Variants in HDAC3 observed in about 807,000 individuals in gnomAD.
HDAC3 encodes the protein histone deacetylase 3.
HDAC3 carries 21 observed loss-of-function variants against 62.3 expected under a neutral mutation model. That is an observed-to-expected ratio of 0.34 (90% confidence interval 0.24 to 0.49). HDAC3 has a LOEUF of 0.49. Ranked by LOEUF, HDAC3 falls within the 20% of genes least tolerant of loss-of-function variation. The pLI is 0.99. For missense variants in HDAC3, 270 were observed against 556.9 expected, an observed-to-expected ratio of 0.48 and a Z score of 5.19; for synonymous variants, 198 against 206.5, an observed-to-expected ratio of 0.96 and a Z score of 0.35.
rs1479248420 is a variant in HDAC3 at position 141,629,848 on chromosome 5, C to T, written c.420+12G>A. 1 of 1,614,136 alleles carries T rather than the reference C, an allele frequency of 6.2e-7. No homozygotes were observed. The highest frequency in any genetic ancestry group is 1.1e-5 in the South Asian group (1 of 91,074). ...GGATGGCCACTGTCTTTCCCATCAC[C>T]TCCTCACTCACCTCAAACTTCTTGG... On this transcript the variant is annotated intron_variant, in intron 5 of 14. Coordinates refer to ENST00000305264, the MANE Select transcript of HDAC3 (RefSeq NM_003883.4). This position sits in a 1 kb window ranked among gnomAD's most constrained non-coding sequence, Gnocchi z 5.3.
intron 10 of HDAC3, among the ~76,000 whole-genome samples, chr5:141,627,624 A>C (rs2099904627): frequency 6.6e-6 from 1 of 152,058 alleles, no homozygotes; most frequent in African/African-American, 2.4e-5. Flanking sequence ...TCTGTTTCCT[A>C]AACTGTAAAC....
rs776477788 is a variant in HDAC3, at chr5:141,629,558, AAT to A, written c.476+124_476+125del. The A allele has an allele frequency of 7.7e-6, 8 of 1,036,284 alleles. 1 individual carries two copies. The East Asian group carries it at 1.7e-4, about 22-fold the overall frequency. The allele number at this position is 1,036,284 out of a possible 1,614,324, so 64.2% of individuals were successfully genotyped here. ...CTGCAGCAGTGGAAGAGGCAGCCTGAATAAAGCATCAAGAACTTGGGAGAAGC... is the reference window on the plus strand; with the variant it reads ...CTGCAGCAGTGGAAGAGGCAGCCTGAAAAGCATCAAGAACTTGGGAGAAGC... On this transcript the variant is annotated intron_variant, in intron 6 of 14. Coordinates refer to ENST00000305264, the MANE Select transcript of HDAC3 (RefSeq NM_003883.4). The surrounding 1 kb of genome is among the most constrained non-coding windows in gnomAD (Gnocchi z 5.3).
At chr5:141,635,661 G>C (rs1325965998) in intron 2 of HDAC3, among the ~76,000 whole-genome samples, 1 of 152,268 alleles carries the variant, frequency 6.6e-6, no homozygotes, top group South Asian at 2.1e-4. Flanking sequence ...TGTCAACTCA[G>C]GCTGCTGATC....
At chr5:141,631,846 G>C (rs2099905261) in intron 3 of HDAC3, among the ~76,000 whole-genome samples, 1 of 152,130 alleles carries the variant, frequency 6.6e-6, no homozygotes, top group African/African-American at 2.4e-5. Flanking sequence ...AAAGCACTTA[G>C]AACAGTACCT....
chr5:141,625,109 G>T lies in HDAC3; in HGVS notation c.1217+99C>A. The T allele has an allele frequency of 9.1e-7, 1 of 1,098,944 alleles. No homozygotes were observed. Among genetic ancestry groups the T allele is most frequent in the Non-Finnish European group, 1.3e-6 (1 of 769,638 alleles). 68.1% of individuals were successfully genotyped at this position (1,098,944 alleles called of 1,614,324 possible). On this transcript the variant is annotated intron_variant, in intron 14 of 14. Transcript: ENST00000305264. The surrounding 1 kb of genome is among the most constrained non-coding windows in gnomAD (Gnocchi z 4.0). ...AATTGTAGCAGACTAAAGGAGGTAAGCCAGAGGCAATTAAACTAATACCTT... is the reference window on the plus strand; with the variant it reads ...AATTGTAGCAGACTAAAGGAGGTAATCCAGAGGCAATTAAACTAATACCTT...
chr5:141,633,074 C>G (rs930378352), intron 3 of HDAC3, among the ~76,000 whole-genome samples: 12 of 152,184 alleles, frequency 7.9e-5, no homozygotes, highest in African/African-American at 9.7e-5. Context: ...TATAATACAT[C>G]TAAGGATTGG....
At chr5:141,624,372 CAAAAAAAAAAAAAAAAAA>C (rs58610895) in intron 14 of HDAC3, among the ~76,000 whole-genome samples, 502 of 22,200 alleles carry the variant, frequency 0.023, 27 homozygotes, top group African/African-American at 0.076. Flanking sequence ...CCGTCTCTAC[CAAAAAAAAAAAAAAAAAA>C]AAAAAAAAAA....
In HDAC3 at chr5:141,629,992, C is replaced by A. The variant is rs2099904958; in HGVS notation, c.363+52G>T. 2 of 1,613,254 alleles carry A rather than the reference C, an allele frequency of 1.2e-6. No individual in the cohort carries two copies. Among genetic ancestry groups the A allele is most frequent in the East Asian group, 2.2e-5 (1 of 44,880 alleles). On this transcript the variant is annotated intron_variant, in intron 4 of 14. Transcript: ENST00000305264. This position sits in a 1 kb window ranked among gnomAD's most constrained non-coding sequence, Gnocchi z 5.3. ...GGGAGCCCAGGATCAGGGTTAAATC[C>A]CGAGTCCAGGGATCCAGAGGAAAGG...
intron 3 of HDAC3, among the ~76,000 whole-genome samples, chr5:141,631,366 G>GA (rs1330395210): frequency 6.6e-6 from 1 of 152,018 alleles, no homozygotes; most frequent in African/African-American, 2.4e-5. Flanking sequence ...CTAAGCAAAT[G>GA]AAAAAATAAT....
intron 3 of HDAC3, among the ~76,000 whole-genome samples, chr5:141,633,568 G>A (rs929830424): frequency 2.0e-5 from 3 of 152,084 alleles, no homozygotes; most frequent in African/African-American, 7.2e-5. Flanking sequence ...GCTCACGTCT[G>A]TAATCCCAGC....
chr5:141,632,020 A>ATTTTTTT (rs376573720), intron 3 of HDAC3, among the ~76,000 whole-genome samples: 2 of 136,972 alleles, frequency 1.5e-5, no homozygotes, highest in Non-Finnish European at 1.6e-5. Flanking sequence ...GAGGTCTGGA[A>ATTTTTTT]TTTTTTTTTT....
At position 141,625,828 on chromosome 5, in the gene HDAC3, C is replaced by A; in HGVS notation, c.980-64G>T. 2 of 1,497,246 alleles carry A rather than the reference C, an allele frequency of 1.3e-6. No individual in the cohort carries two copies. Among genetic ancestry groups the A allele is most frequent in the Admixed American group, 3.4e-5 (2 of 59,612 alleles). The allele number at this position is 1,497,246 out of a possible 1,614,324, so 92.7% of individuals were successfully genotyped here. A position where few individuals can be genotyped will look rare whatever the true frequency, so the allele number is the denominator to read the frequency against. ...AAGGCAGCTAACAAGACTTCCCAAT[C>A]TTTTTCCTTCCCATCCAGAGCACCT... On this transcript the variant is annotated intron_variant, in intron 12 of 14. Transcript: ENST00000305264. The surrounding 1 kb of genome is among the most constrained non-coding windows in gnomAD (Gnocchi z 4.0).
chr5:141,626,548 A>C lies in HDAC3; in HGVS notation c.831-265T>G. Reference sequence around the variant, plus strand: ...CCCTGCCTGCTAATCAACTATTCTCATCAACCCAAGTTCTGTCAATTCTAG... The same window carrying C: ...CCCTGCCTGCTAATCAACTATTCTCCTCAACCCAAGTTCTGTCAATTCTAG... On this transcript the variant is annotated intron_variant, in intron 10 of 14. Transcript: ENST00000305264. This position sits in a 1 kb window ranked among gnomAD's most constrained non-coding sequence, Gnocchi z 4.6. 3.4e-5 allele frequency: 15 copies of C among 443,406 alleles called. No homozygotes were observed. The highest frequency in any genetic ancestry group is 5.0e-5 in the Non-Finnish European group (12 of 240,810). The allele number at this position is 443,406 out of a possible 1,614,324, so 27.5% of individuals were successfully genotyped here.
intron 3 of HDAC3, 87 bp downstream of exon 3, chr5:141,634,724 T>C: frequency 7.6e-7 from 1 of 1,314,204 alleles, no homozygotes. Flanking sequence ...TAGGCCCCCC[T>C]TGAGATCTTC....
chr5:141,634,067 G>A (rs1459862898), intron 3 of HDAC3, among the ~76,000 whole-genome samples: 3 of 152,002 alleles, frequency 2.0e-5, no homozygotes, highest in Non-Finnish European at 1.5e-5. Context: ...TTCCCCAGAG[G>A]GTCTAACCCT....
chr5:141,630,009 G>T (rs1321304127), intron 4 of HDAC3, 35 bp downstream of exon 4: 1 of 1,613,142 alleles, frequency 6.2e-7, no homozygotes, highest in Non-Finnish European at 8.5e-7. Flanking sequence ...CAGGGATCCA[G>T]AGGAAAGGAA....
At chr5:141,630,375 G>C (rs2099905016) in intron 3 of HDAC3, among the ~76,000 whole-genome samples, 1 of 152,254 alleles carries the variant, frequency 6.6e-6, no homozygotes, top group African/African-American at 2.4e-5. Context: ...CCTAGCTGCG[G>C]AAAGAAGCAA....
intron 3 of HDAC3, among the ~76,000 whole-genome samples, chr5:141,631,801 T>C (rs759364397): frequency 2.0e-5 from 3 of 152,164 alleles, no homozygotes; most frequent in Non-Finnish European, 4.4e-5. Flanking sequence ...CCCTGCTTCA[T>C]AGGGGTTGTT....
In HDAC3 at chr5:141,625,681, T is replaced by G. The variant is rs749601413; in HGVS notation, c.1059+4A>C. The G allele has an allele frequency of 6.2e-7, 1 of 1,613,978 alleles. No homozygotes were observed. The highest frequency in any genetic ancestry group is 1.1e-5 in the South Asian group (1 of 91,074). ...TTTGTGCTCAGCTTTTCTGAGCTGC[T>G]GACCTGGCGTGAGTTCTGATTCTCG... On this transcript the variant is annotated splice_donor_region_variant and intron_variant, in intron 13 of 14. Coordinates refer to ENST00000305264, the MANE Select transcript of HDAC3 (RefSeq NM_003883.4). This position sits in a 1 kb window ranked among gnomAD's most constrained non-coding sequence, Gnocchi z 4.0.
Sources: allele counts gnomAD v4.1 joint callset (sites outside exome capture counted in the v4.1 genomes callset), GRCh38; gene constraint gnomAD v4.1.1; non-coding constraint Gnocchi (gnomAD v3.1); transcripts MANE v1.5; gene names NCBI Gene and HGNC (gene_info 2026-07-23, HGNC 2026-07-21).